The following TENM1 variants were observed in gnomAD, a reference collection of about 807,000 sequenced individuals.
The protein encoded by TENM1 is teneurin-1.
TENM1 carries 35 observed loss-of-function variants against 174.8 expected under a neutral mutation model. The observed-to-expected ratio is 0.20, with a 90% CI of 0.15 to 0.27. The LOEUF (loss-of-function observed/expected upper bound fraction) is 0.27, where lower values mean the gene tolerates loss of function less well. Ranked by LOEUF, TENM1 falls within the 10% of genes least tolerant of loss-of-function variation. TENM1 has a pLI of 1.00. For missense variants in TENM1, 1,633 were observed against 2,130.1 expected, an observed-to-expected ratio of 0.77 and a Z score of 4.59; for synonymous variants, 781 against 798.7, an observed-to-expected ratio of 0.98 and a Z score of 0.37.
At chrX:124,911,757 A>G (rs1332376012) in intron 1 of TENM1, among the ~76,000 whole-genome samples, 1 of 111,805 alleles carries the variant, frequency 8.9e-6, no homozygotes, top group Non-Finnish European at 1.9e-5. Context: ...ATACTAAGGA[A>G]TTGGGCCTTG....
At chrX:124,812,393 A>C (rs1182807890) in intron 3 of TENM1, among the ~76,000 whole-genome samples, 1 of 111,785 alleles carries the variant, frequency 8.9e-6, no homozygotes, top group Non-Finnish European at 1.9e-5. Flanking sequence ...AAGAAAAGAA[A>C]CAAGTAATCT....
chrX:124,560,524 T>C (rs1365924955), intron 14 of TENM1, among the ~76,000 whole-genome samples: 2 of 111,301 alleles, frequency 1.8e-5, no homozygotes, highest in Non-Finnish European at 3.8e-5. Flanking sequence ...AGAGCTAGTA[T>C]CTGAATCCAG....
chrX:124,917,231 T>C (rs192649277), intron 1 of TENM1, among the ~76,000 whole-genome samples: 1 of 111,889 alleles, frequency 8.9e-6, no homozygotes, highest in Admixed American at 9.5e-5. Context: ...CAAGGGAGTC[T>C]TGACAGTTTT....
chrX:124,473,324 T>A (rs1404627420), intron 22 of TENM1, among the ~76,000 whole-genome samples: 1 of 111,623 alleles, frequency 9.0e-6, no homozygotes, highest in African/African-American at 3.3e-5. Flanking sequence ...CAAAATATGA[T>A]TTAAGTGATT....
At chrX:124,507,883 T>C (rs2047488192) in intron 18 of TENM1, among the ~76,000 whole-genome samples, 2 of 112,112 alleles carry the variant, frequency 1.8e-5, no homozygotes, top group Admixed American at 1.9e-4. Context: ...TTACAAGTCG[T>C]CTGATAGTCA....
At chrX:124,728,690 A>G (rs2053497215) in intron 4 of TENM1, among the ~76,000 whole-genome samples, 1 of 111,566 alleles carries the variant, frequency 9.0e-6, no homozygotes, top group African/African-American at 3.3e-5. Context: ...AAATATAACA[A>G]AACACTTGTG....
intron 3 of TENM1, among the ~76,000 whole-genome samples, chrX:124,819,609 G>A (rs368767944): frequency 4.5e-5 from 5 of 110,733 alleles, no homozygotes; most frequent in African/African-American, 9.9e-5. Flanking sequence ...AACATACGGC[G>A]TGAGAGGGTG....
At chrX:124,719,312 G>A (rs761365748) in intron 4 of TENM1, among the ~76,000 whole-genome samples, 4 of 110,243 alleles carry the variant, frequency 3.6e-5, no homozygotes, top group African/African-American at 6.6e-5. Flanking sequence ...ACAACTCACC[G>A]ATAATTGCCT....
chrX:125,200,725 A>G, the TENM1 span, among the ~76,000 whole-genome samples: 13 of 109,856 alleles, frequency 1.2e-4, no homozygotes, highest in Non-Finnish European at 2.1e-4. Context: ...AAAAAAATTA[A>G]TCACTGACTC....
the TENM1 span, among the ~76,000 whole-genome samples, chrX:125,039,600 G>A: frequency 9.0e-6 from 1 of 111,380 alleles, no homozygotes. Flanking sequence ...GATAAAAAGT[G>A]TGTGCACAAA....
Position 124,647,799 on chromosome X carries a change from A to C in TENM1, c.1580-989T>G, listed in dbSNP as rs150793614. On this transcript the variant is annotated intron_variant, in intron 8 of 31. Transcript: ENST00000422452. ...CGTCTCCTCATTACACCTTTCTATA[A>C]ATTTCTCATACTCAGCATTCTTGGA... 6.7e-3 allele frequency among the ~76,000 whole-genome samples: 712 copies of C among 106,937 alleles called. 4 individuals are homozygous for C. Among genetic ancestry groups the C allele is most frequent in the African/African-American group, 0.023 (664 of 29,092 alleles). The allele number at this position is 106,937 out of a possible 115,157, so 92.9% of individuals were successfully genotyped here.
At chrX:124,495,343 C>G (rs1175160129) in intron 20 of TENM1, among the ~76,000 whole-genome samples, 2 of 109,574 alleles carry the variant, frequency 1.8e-5, no homozygotes, top group East Asian at 2.9e-4. Context: ...GTCCTTCACC[C>G]ACTTTTTGAT....
the TENM1 span, among the ~76,000 whole-genome samples, chrX:124,969,923 AGATT>A: frequency 8.9e-6 from 1 of 112,244 alleles, no homozygotes; most frequent in Non-Finnish European, 1.9e-5. Context: ...AGGGAAGTTT[AGATT>A]GATTTGCAAA....
chrX:124,631,591 C>A (rs1297461126), intron 11 of TENM1, among the ~76,000 whole-genome samples: 1 of 110,852 alleles, frequency 9.0e-6, no homozygotes, highest in East Asian at 2.9e-4. Context: ...CTCAGCAAGT[C>A]CGAAGTAGGA....
At chrX:124,929,525 T>C (rs914372459) in intron 1 of TENM1, among the ~76,000 whole-genome samples, 1 of 112,055 alleles carries the variant, frequency 8.9e-6, no homozygotes, top group Non-Finnish European at 1.9e-5. Flanking sequence ...AATAAGCCTC[T>C]GGCATAAATT....
At chrX:124,552,357 G>C (rs1195053623) in intron 14 of TENM1, among the ~76,000 whole-genome samples, 2 of 111,283 alleles carry the variant, frequency 1.8e-5, no homozygotes, top group Non-Finnish European at 3.8e-5. Flanking sequence ...TACATGTATT[G>C]AAGGTAATAG....
chrX:124,529,740 C>A (rs2048063592), intron 16 of TENM1, 124 bp downstream of exon 19: 1 of 918,887 alleles, frequency 1.1e-6, no homozygotes, highest in Non-Finnish European at 1.5e-6. Context: ...TCACCAATGA[C>A]TTTTTGAGAT....
chrX:124,525,417 T>C (rs990300776), intron 16 of TENM1, among the ~76,000 whole-genome samples: 1 of 112,213 alleles, frequency 8.9e-6, no homozygotes, highest in African/African-American at 3.2e-5. Flanking sequence ...CAAGAAACCT[T>C]TCCTCTAGTT....
intron 5 of TENM1, among the ~76,000 whole-genome samples, chrX:124,687,354 T>C (rs1347849524): frequency 9.0e-6 from 1 of 111,661 alleles, no homozygotes; most frequent in Non-Finnish European, 1.9e-5. Context: ...ATTTAATGAA[T>C]AGTGCTGGGA....
Sources: gnomAD v4.1 joint callset for allele counts (sites outside exome capture counted in the v4.1 genomes callset) on GRCh38, gnomAD v4.1.1 for gene constraint, MANE v1.5 for transcripts, NCBI Gene and HGNC (gene_info 2026-07-23, HGNC 2026-07-21) for gene names.